The following PRDM13 variants were observed in gnomAD, a reference collection of about 807,000 sequenced individuals.
PRDM13 encodes PR domain zinc finger protein 13.
Under a neutral mutation model 36.4 loss-of-function variants are expected in PRDM13, and 15 were observed. That is an observed-to-expected ratio of 0.41 (90% CI 0.28 to 0.64). The LOEUF (loss-of-function observed/expected upper bound fraction) is 0.64, where lower values mean the gene tolerates loss of function less well. Ranked by LOEUF, PRDM13 falls within the 30% of genes least tolerant of loss-of-function variation. The probability of loss-of-function intolerance (pLI) is 0.29; values close to 1 mark genes in which losing one functional copy is unlikely to be tolerated. For missense variants in PRDM13, 1,044 were observed against 1,013.5 expected, an observed-to-expected ratio of 1.03 and a Z score of -0.41; for synonymous variants, 531 against 467.7, an observed-to-expected ratio of 1.14 and a Z score of -1.75.
rs1390873642 is a variant in PRDM13 at position 99,614,968 on chromosome 6, C to G, written c.*209C>G. The stretch of plus-strand genomic sequence containing the variant: ...TTCAGAGGTGGCGTAAATCTGGCCA[C>G]CTGGAGAGCTCGAGTGCCACCAGTA... On this transcript the variant is annotated 3_prime_UTR_variant, in exon 4 of 4. Transcript: ENST00000369215. 15 of 704,642 alleles carry G rather than the reference C, an allele frequency of 2.1e-5. No homozygotes were observed. In the East Asian group the frequency reaches 2.6e-4, roughly 12 times the overall value. 43.6% of individuals were successfully genotyped at this position (704,642 alleles called of 1,614,324 possible).
Position 99,608,779 on chromosome 6 carries a change from G to C in PRDM13, c.183G>C (p.Gly61=). 6.2e-7 allele frequency: 1 copy of C among 1,612,588 alleles called. No individual in the cohort carries two copies. The highest frequency in any genetic ancestry group is 8.5e-7 in the Non-Finnish European group (1 of 1,179,376). The change falls in exon 2 of 4, where the codon GGG becomes GGC. Residue 61 remains glycine, a synonymous_variant. Transcript: ENST00000369215. The part of the protein sequence containing the change: ...MVRGELVDES[G]GSPLEWIGLI... The stretch of plus-strand genomic sequence containing the variant: ...GAGGGGAGCTGGTGGACGAGTCGGG[G>C]GGCTCCCCTCTGGAGTGGATAGGGT...
rs1486445268 is a variant in PRDM13, at chr6:99,613,750, C to CGCT, written c.1117_1118insTGC (p.Pro372_Pro373insLeu). On this transcript the variant is annotated inframe_insertion, in exon 4 of 4. Transcript: ENST00000369215. This position sits in a 1 kb window ranked among gnomAD's most constrained non-coding sequence, Gnocchi z 6.1. ...CCCAAGTGCCTGCTCGCTGGGGACC[C>CGCT]GCCGCCGCCGCCGCCGCCTGGCCTG... The CGCT allele has an allele frequency of 1.1e-6, 1 of 911,102 alleles. No individual in the cohort carries two copies. The highest frequency in any genetic ancestry group is 1.5e-6 in the Non-Finnish European group (1 of 687,860). The allele number at this position is 911,102 out of a possible 1,614,324, so 56.4% of individuals were successfully genotyped here.
Position 99,613,322 on chromosome 6 carries a change from C to A in PRDM13, c.687C>A (p.Arg229=), listed in dbSNP as rs368638439. 6 of 1,559,178 alleles carry A rather than the reference C, an allele frequency of 3.8e-6. No individual in the cohort carries two copies. In the African/African-American group the frequency reaches 8.1e-5, roughly 21 times the overall value. The part of the protein sequence containing the change: ...QACGAREGIK[R]EASSAPSATS... ...GCGGTGCGCGGGAGGGCATCAAGCG[C>A]GAGGCCTCTTCCGCGCCCTCGGCCA... Residue 229 remains arginine, a synonymous_variant, in exon 4 of 4, where the codon CGC becomes CGA. Transcript: ENST00000369215. The surrounding 1 kb of genome is among the most constrained non-coding windows in gnomAD (Gnocchi z 6.1).
Position 99,612,922 on chromosome 6 carries a change from TC to T in PRDM13, c.398-107del, listed in dbSNP as rs933348222. 3.2e-5 allele frequency: 48 copies of T among 1,514,316 alleles called. No homozygotes were observed. In the African/African-American group the frequency reaches 4.7e-4, roughly 15 times the overall value. 93.8% of individuals were successfully genotyped at this position (1,514,316 alleles called of 1,614,324 possible). On this transcript the variant is annotated intron_variant, in intron 3 of 3. Transcript: ENST00000369215. ...GCTACCGAACTTATATTTCACCCTCTCCCCACACCGCTAGTCGAAACTTGGG... is the reference window on the plus strand; with the variant it reads ...GCTACCGAACTTATATTTCACCCTCTCCCACACCGCTAGTCGAAACTTGGG...
At chr6:99,607,243 G>A (rs762831436) in intron 1 of PRDM13, 65 bp downstream of exon 1, 1 of 1,584,200 alleles carries the variant, frequency 6.3e-7, no homozygotes, top group Non-Finnish European at 8.6e-7. Flanking sequence ...CGGGAAAGGG[G>A]TACGAGAGAA....
At position 99,614,842 on chromosome 6, in the gene PRDM13, G is replaced by T; in HGVS notation, c.*83G>T. On this transcript the variant is annotated 3_prime_UTR_variant, in exon 4 of 4. Coordinates refer to ENST00000369215, the MANE Select transcript of PRDM13 (RefSeq NM_021620.4). ...GCAGTAGAGGAACTCCTGGTGGTGGGAAGAGGGACCCAATGGACAAAACCG... is the reference window on the plus strand; with the variant it reads ...GCAGTAGAGGAACTCCTGGTGGTGGTAAGAGGGACCCAATGGACAAAACCG... 1 of 1,491,544 alleles carries T rather than the reference G, an allele frequency of 6.7e-7. No homozygotes were observed. Among genetic ancestry groups the T allele is most frequent in the East Asian group, 2.3e-5 (1 of 43,766 alleles). The allele number at this position is 1,491,544 out of a possible 1,614,324, so 92.4% of individuals were successfully genotyped here. A position where few individuals can be genotyped will look rare whatever the true frequency, so the allele number is the denominator to read the frequency against.
Position 99,606,996 on chromosome 6 carries a change from C to G in PRDM13, c.-39C>G. The G allele has an allele frequency of 1.3e-6, 2 of 1,580,898 alleles. No individual in the cohort carries two copies. Among genetic ancestry groups the G allele is most frequent in the East Asian group, 4.5e-5 (2 of 44,156 alleles). On this transcript the variant is annotated 5_prime_UTR_variant, in exon 1 of 4. Transcript: ENST00000369215. ...CTGTCACTCGCGCCCTTCCAAGGAC[C>G]TGGAGCACCCGAGCGCCTGCCTGGT...
At position 99,614,854 on chromosome 6, in the gene PRDM13, A is replaced by C. The variant is rs1368468814; in HGVS notation, c.*95A>C. ...CTCCTGGTGGTGGGAAGAGGGACCC[A>C]ATGGACAAAACCGTTTTTGTTTTTG... On this transcript the variant is annotated 3_prime_UTR_variant, in exon 4 of 4. Coordinates refer to ENST00000369215, the MANE Select transcript of PRDM13 (RefSeq NM_021620.4). 3.3e-5 allele frequency: 48 copies of C among 1,463,008 alleles called. No individual in the cohort carries two copies. The highest frequency in any genetic ancestry group is 4.4e-5 in the Non-Finnish European group (48 of 1,098,270). The allele number at this position is 1,463,008 out of a possible 1,614,324, so 90.6% of individuals were successfully genotyped here.
chr6:99,614,193 C>CGA lies in PRDM13; in HGVS notation c.1563_1564dup (p.Ile522ArgfsTer197). The CGA allele has an allele frequency of 1.2e-6, 2 of 1,605,912 alleles. No individual in the cohort carries two copies. Among genetic ancestry groups the CGA allele is most frequent in the Non-Finnish European group, 1.7e-6 (2 of 1,178,304 alleles). On this transcript the variant is annotated frameshift_variant, in exon 4 of 4. Coordinates refer to ENST00000369215, the MANE Select transcript of PRDM13 (RefSeq NM_021620.4). LOFTEE classifies it high-confidence loss of function. ...GCTGGGGTCGCTGGCCAGCATCGAC[C>CGA]GAGAGATCGCCATGCACAATCAGCA...
intron 3 of PRDM13, among the ~76,000 whole-genome samples, chr6:99,610,485 C>G (rs534988466): frequency 1.8e-4 from 27 of 152,292 alleles, no homozygotes; most frequent in African/African-American, 6.5e-4. Flanking sequence ...AATCTCATCC[C>G]TTTAGAAATA....
intron 1 of PRDM13, among the ~76,000 whole-genome samples, chr6:99,608,446 A>G (rs1179448672): frequency 6.6e-6 from 1 of 152,128 alleles, no homozygotes; most frequent in Non-Finnish European, 1.5e-5. Context: ...ACAACTTGGT[A>G]CAAGATGTGC....
In PRDM13 at chr6:99,613,666, A is replaced by G; in HGVS notation, c.1031A>G (p.Asn344Ser). ...TGCGGGCGCCCCGGGAGCGGGGAGA[A>G]CTCGGCGGCGGGCGGCGCGGGTCAC... is the stretch of plus-strand genomic sequence containing the variant. ...RACGRPGSGE[N>S]SAAGGAGHHH... The change falls in exon 4 of 4, where the codon AAC becomes AGC. Residue 344 changes from asparagine to serine, a missense_variant. Transcript: ENST00000369215. The surrounding 1 kb of genome is among the most constrained non-coding windows in gnomAD (Gnocchi z 6.1). 7.0e-7 allele frequency: 1 copy of G among 1,422,266 alleles called. No individual in the cohort carries two copies. Among genetic ancestry groups the G allele is most frequent in the Non-Finnish European group, 9.1e-7 (1 of 1,103,690 alleles). 88.1% of individuals were successfully genotyped at this position (1,422,266 alleles called of 1,614,324 possible). A position where few individuals can be genotyped will look rare whatever the true frequency, so the allele number is the denominator to read the frequency against.
intron 3 of PRDM13, among the ~76,000 whole-genome samples, chr6:99,611,011 C>T (rs1583615077): frequency 6.6e-6 from 1 of 152,164 alleles, no homozygotes; most frequent in East Asian, 1.9e-4. Flanking sequence ...GAACTCTTGA[C>T]CACCTTAGAG....
Position 99,613,201 on chromosome 6 carries a change from G to C in PRDM13, c.566G>C (p.Gly189Ala). 1 of 1,612,378 alleles carries C rather than the reference G, an allele frequency of 6.2e-7. No individual in the cohort carries two copies. The highest frequency in any genetic ancestry group is 1.3e-5 in the African/African-American group (1 of 75,050). ...GCCGTCCCAGCGGCTGATGGCCTCG[G>C]TCTCTCCCCAAAACCCCCGGCGCCC... ...QGAVPAADGL[G>A]LSPKPPAPDF... is the part of the protein sequence containing the mutation. Residue 189 changes from glycine to alanine, a missense_variant, in exon 4 of 4, where the codon GGT (glycine) becomes GCT (alanine). Physicochemically the swap from Gly to Ala is moderately conservative, Grantham distance 60. This residue lies in a region of PRDM13 where 921 missense variants were observed against 865.2 expected (regional missense o/e 1.06). Coordinates refer to ENST00000369215, the MANE Select transcript of PRDM13 (RefSeq NM_021620.4). The surrounding 1 kb of genome is among the most constrained non-coding windows in gnomAD (Gnocchi z 6.1).
chr6:99,609,200 C>T lies in PRDM13; in HGVS notation c.290C>T (p.Ala97Val), dbSNP rs767080107. Reference protein sequence around the residue: ...DLPGGQIFYRALRDVQPGEEL... With the variant: ...DLPGGQIFYRVLRDVQPGEEL... ...CTTGCGTCCCAGATCTTCTACCGAG[C>T]ATTGCGAGACGTCCAGCCAGGGGAG... The change falls in exon 3 of 4, where the codon GCA becomes GTA. Residue 97 changes from alanine to valine, a missense_variant. Transcript: ENST00000369215. The T allele has an allele frequency of 6.2e-7, 1 of 1,613,618 alleles. No individual in the cohort carries two copies. The highest frequency in any genetic ancestry group is 8.5e-7 in the Non-Finnish European group (1 of 1,179,670).
chr6:99,613,481 C>CG lies in PRDM13; in HGVS notation c.848dup (p.Ser284GlnfsTer168). 6.5e-7 allele frequency: 1 copy of CG among 1,530,184 alleles called. No individual in the cohort carries two copies. Among genetic ancestry groups the CG allele is most frequent in the East Asian group, 2.5e-5 (1 of 40,330 alleles). 94.8% of individuals were successfully genotyped at this position (1,530,184 alleles called of 1,614,324 possible). On this transcript the variant is annotated frameshift_variant, in exon 4 of 4. Transcript: ENST00000369215. LOFTEE classifies it high-confidence loss of function. This position sits in a 1 kb window ranked among gnomAD's most constrained non-coding sequence, Gnocchi z 6.1. ...TCGTGGGCGGCTCCTCGGCGGGGGT[C>CG]GGCAGCCTGGCTTTCTACCCCGGCG...
intron 2 of PRDM13, 29 bp downstream of exon 2, chr6:99,608,901 C>CA (rs761578185): frequency 2.5e-6 from 4 of 1,596,404 alleles, no homozygotes; most frequent in African/African-American, 1.3e-5. Context: ...CACACCCCCC[C>CA]ACTCCCCACC....
rs377013141 is a variant in PRDM13 at position 99,614,057 on chromosome 6, G to A, written c.1422G>A (p.Pro474=). 12 of 1,607,042 alleles carry A rather than the reference G, an allele frequency of 7.5e-6. No homozygotes were observed. In the African/African-American group the frequency reaches 1.5e-4, roughly 20 times the overall value. Residue 474 remains proline (P), a synonymous_variant, in exon 4 of 4, where the codon CCG becomes CCA. Transcript: ENST00000369215. ...VYNGELLYGS[P]ATTAYYPLKL... ...ACGGGGAGCTGCTCTACGGCTCACC[G>A]GCCACCACCGCTTATTACCCGCTCA...
chr6:99,608,876 C>A lies in PRDM13; in HGVS notation c.276+4C>A, dbSNP rs1409395546. ...TGCAGACTTACCCGGAGGACAGGTACTGCGGGCTTCTCTCCACACCCCCCC... is the reference window on the plus strand; with the variant it reads ...TGCAGACTTACCCGGAGGACAGGTAATGCGGGCTTCTCTCCACACCCCCCC... On this transcript the variant is annotated splice_donor_region_variant and intron_variant, in intron 2 of 3. Transcript: ENST00000369215. 6 of 1,609,842 alleles carry A rather than the reference C, an allele frequency of 3.7e-6. No homozygotes were observed. In the South Asian group the frequency reaches 5.5e-5, roughly 15 times the overall value.
Sources: gnomAD v4.1 joint callset for allele counts (sites outside exome capture counted in the v4.1 genomes callset) on GRCh38, gnomAD v4.1.1 for gene constraint, gnomAD v4.1.1 regional missense constraint, Gnocchi (gnomAD v3.1) non-coding constraint, MANE v1.5 for transcripts, NCBI Gene and HGNC (gene_info 2026-07-23, HGNC 2026-07-21) for gene names.